DLG2: variants seen among roughly 807,000 people sequenced by gnomAD.
The protein encoded by DLG2 is disks large homolog 2.
A neutral mutation model predicts 132.5 loss-of-function variants in DLG2; 45 were observed. The observed-to-expected ratio is 0.34, with a 90% CI of 0.27 to 0.44. The LOEUF is 0.44. Among genes scored for constraint, DLG2 ranks in the 20% least tolerant of loss-of-function variants. The probability of loss-of-function intolerance (pLI) is 1.00; values close to 1 mark genes in which losing one functional copy is unlikely to be tolerated. For synonymous variants in DLG2, 424 were observed against 419.6 expected, an observed-to-expected ratio of 1.01 and a Z score of -0.13; for missense variants, 1,045 against 1,196.9, an observed-to-expected ratio of 0.87 and a Z score of 1.87.
At chr11:83,533,262 T>C (rs2095802374) in intron 20 of DLG2, among the ~76,000 whole-genome samples, 1 of 152,170 alleles carries the variant, frequency 6.6e-6, no homozygotes, top group Non-Finnish European at 1.5e-5. Context: ...AATCTTGAGC[T>C]TTCCTTTTCC....
In DLG2 at chr11:84,135,828, C is replaced by G. The variant is rs116809122; in HGVS notation, c.624+27633G>C. On this transcript the variant is annotated intron_variant, in intron 9 of 27. Transcript: ENST00000376104. ...TAATGAGTATTATGGTTTATTTGAA[C>G]AAAGATCACACTGGGCGCAGTGTGA... 7.0e-3 allele frequency among the ~76,000 whole-genome samples: 1,066 copies of G among 152,116 alleles called. 11 individuals carry two copies. The highest frequency in any genetic ancestry group is 0.025 in the African/African-American group (1,021 of 41,526).
intron 19 of DLG2, among the ~76,000 whole-genome samples, chr11:83,562,130 G>A (rs936935391): frequency 2.6e-5 from 4 of 151,548 alleles, no homozygotes; most frequent in Admixed American, 2.0e-4. Flanking sequence ...CTCGTGATCC[G>A]CCTGCCTCAG....
At chr11:83,529,345 G>A (rs373977319) in intron 21 of DLG2, among the ~76,000 whole-genome samples, 1 of 152,078 alleles carries the variant, frequency 6.6e-6, no homozygotes, top group South Asian at 2.1e-4. Context: ...TTTCCTCAGT[G>A]CATTTTATCT....
At chr11:84,610,944 A>C (rs1050078117) in intron 6 of DLG2, among the ~76,000 whole-genome samples, 1 of 151,190 alleles carries the variant, frequency 6.6e-6, no homozygotes, top group African/African-American at 2.4e-5. Flanking sequence ...TTTATTTATC[A>C]ACTCAGATGC....
chr11:85,108,983 A>G (rs1013098138), intron 6 of DLG2, among the ~76,000 whole-genome samples: 2 of 152,020 alleles, frequency 1.3e-5, no homozygotes, highest in Non-Finnish European at 2.9e-5. Context: ...ACTTTTTCCA[A>G]ACTGTTCTCA....
At chr11:84,010,208 T>A (rs2094805643) in intron 11 of DLG2, among the ~76,000 whole-genome samples, 1 of 152,050 alleles carries the variant, frequency 6.6e-6, no homozygotes, top group South Asian at 2.1e-4. Flanking sequence ...TAGATCTATA[T>A]AAAGATTTCT....
chr11:83,676,105 C>T (rs1432241212), intron 18 of DLG2, among the ~76,000 whole-genome samples: 1 of 152,128 alleles, frequency 6.6e-6, no homozygotes, highest in African/African-American at 2.4e-5. Flanking sequence ...CTTTATCCTA[C>T]CTAAGCTTTA....
intron 18 of DLG2, among the ~76,000 whole-genome samples, chr11:83,737,789 T>C (rs2092097740): frequency 6.6e-6 from 1 of 152,176 alleles, no homozygotes; most frequent in South Asian, 2.1e-4. Flanking sequence ...CCAATTCTAC[T>C]AAAAATAGAA....
At position 85,409,795 on chromosome 11, in the gene DLG2, C is replaced by CA. The variant is rs151317480; in HGVS notation, c.41-124431dup. On this transcript the variant is annotated intron_variant, in intron 3 of 27. Coordinates refer to ENST00000376104, the MANE Select transcript of DLG2 (RefSeq NM_001142699.3). ...CTCTGTATGAAGATTTTCTCATTTA[C>CA]AAAATGGGAAGAGAAGTACTTAAAA... is the stretch of plus-strand genomic sequence containing the variant. Among the ~76,000 whole-genome samples the CA allele has an allele frequency of 8.3e-3, 1,256 of 151,788 alleles. 14 individuals are homozygous for CA. The highest frequency in any genetic ancestry group is 0.028 in the African/African-American group (1,181 of 41,450).
At chr11:84,827,785 T>A (rs1466443815) in intron 6 of DLG2, among the ~76,000 whole-genome samples, 4 of 141,008 alleles carry the variant, frequency 2.8e-5, no homozygotes, top group Non-Finnish European at 6.1e-5. Context: ...TAAAAAAAAA[T>A]TCCATCATTT....
chr11:84,640,333 A>G (rs972718539), intron 6 of DLG2: 2 of 347,452 alleles, frequency 5.8e-6, no homozygotes, highest in South Asian at 4.8e-5. Context: ...GACATCCGAA[A>G]TTTCTTGGAT....
chr11:84,726,014 A>C (rs2062406560), intron 6 of DLG2, among the ~76,000 whole-genome samples: 1 of 152,104 alleles, frequency 6.6e-6, no homozygotes, highest in Non-Finnish European at 1.5e-5. Context: ...CCTCTTACTG[A>C]AGAACACACA....
chr11:85,485,424 G>C (rs929548824), intron 3 of DLG2, among the ~76,000 whole-genome samples: 1 of 152,046 alleles, frequency 6.6e-6, no homozygotes, highest in Non-Finnish European at 1.5e-5. Flanking sequence ...AAATGTGGAA[G>C]GATGGGTCAG....
At chr11:83,959,762 C>T (rs1039373050) in intron 14 of DLG2, among the ~76,000 whole-genome samples, 1 of 151,938 alleles carries the variant, frequency 6.6e-6, no homozygotes, top group Non-Finnish European at 1.5e-5. Flanking sequence ...AACAGACAGA[C>T]CTGAATTCAA....
chr11:84,953,925 G>GGCCTTAGTATGCTAAGGTGT (rs1221363217), intron 6 of DLG2, among the ~76,000 whole-genome samples: 16 of 151,826 alleles, frequency 1.1e-4, no homozygotes, highest in African/African-American at 2.9e-4. Context: ...CTCACCTCTG[G>GGCCTTAGTATGCTAAGGTGT]GCCTTAGTAT....
chr11:84,122,434 T>C (rs939682815), intron 9 of DLG2, among the ~76,000 whole-genome samples: 5 of 152,228 alleles, frequency 3.3e-5, no homozygotes, highest in African/African-American at 9.6e-5. Flanking sequence ...GGAGACTGAT[T>C]AGTCAACTGA....
At chr11:84,269,454 G>C (rs1478925787) in intron 7 of DLG2, among the ~76,000 whole-genome samples, 1 of 152,142 alleles carries the variant, frequency 6.6e-6, no homozygotes, top group East Asian at 1.9e-4. Context: ...ACCTAGCTGA[G>C]ACAGCCTTCC....
chr11:83,806,993 G>A (rs1415029285), intron 17 of DLG2, among the ~76,000 whole-genome samples: 1 of 152,108 alleles, frequency 6.6e-6, no homozygotes, highest in African/African-American at 2.4e-5. Context: ...GGACTTTTGT[G>A]GGAAGTATTA....
intron 3 of DLG2, among the ~76,000 whole-genome samples, chr11:85,459,822 GC>G (rs1186848650): frequency 6.6e-6 from 1 of 152,174 alleles, no homozygotes; most frequent in Non-Finnish European, 1.5e-5. Context: ...TCAGGTTGAA[GC>G]AAGTTAGCTG....
Sources: allele counts gnomAD v4.1 joint callset (sites outside exome capture counted in the v4.1 genomes callset), GRCh38; gene constraint gnomAD v4.1.1; transcripts MANE v1.5; gene names NCBI Gene and HGNC (gene_info 2026-07-23, HGNC 2026-07-21).